IL2RA: variants seen among roughly 807,000 people sequenced by gnomAD.
The protein encoded by IL2RA is interleukin 2 receptor subunit alpha.
In IL2RA, 24 loss-of-function variants were observed where a neutral mutation model predicts 37.8. That is an observed-to-expected ratio of 0.63 (90% CI 0.46 to 0.89). The LOEUF (loss-of-function observed/expected upper bound fraction) is 0.89, where lower values mean the gene tolerates loss of function less well. IL2RA is among the 40% of genes least tolerant of loss of function. The probability of loss-of-function intolerance (pLI) is 0.00; values close to 1 mark genes in which losing one functional copy is unlikely to be tolerated. For missense variants in IL2RA, 319 were observed against 348.6 expected, an observed-to-expected ratio of 0.92 and a Z score of 0.68; for synonymous variants, 125 against 114.6, an observed-to-expected ratio of 1.09 and a Z score of -0.58.
chr10:6,030,176 T>C (rs1244526452), intron 1 of IL2RA, among the ~76,000 whole-genome samples: 4 of 152,108 alleles, frequency 2.6e-5, no homozygotes, highest in Non-Finnish European at 5.9e-5. Flanking sequence ...CTAACCTACA[T>C]TTAATTGAAT....
At chr10:6,017,606 T>TGCTCTGTC (rs1371473420) in intron 7 of IL2RA, among the ~76,000 whole-genome samples, 1 of 134,066 alleles carries the variant, frequency 7.5e-6, no homozygotes, top group Non-Finnish European at 1.6e-5. Context: ...GACAGAGTCT[T>TGCTCTGTC]GCTCTGTCAC....
chr10:6,051,213 AG>A (rs906793281), intron 1 of IL2RA, among the ~76,000 whole-genome samples: 4 of 152,204 alleles, frequency 2.6e-5, no homozygotes, highest in African/African-American at 9.6e-5. Context: ...GCTGGGTTGC[AG>A]GCTCTGCCTG....
At position 6,048,476 on chromosome 10, in the gene IL2RA, G is replaced by A. The variant is rs1412049104; in HGVS notation, c.64+13612C>T. Among the ~76,000 whole-genome samples the A allele has an allele frequency of 6.6e-6, 1 of 152,244 alleles. No homozygotes were observed. Among genetic ancestry groups the A allele is most frequent in the Non-Finnish European group, 1.5e-5 (1 of 68,052 alleles). On this transcript the variant is annotated intron_variant, in intron 1 of 7. Transcript: ENST00000379959. This position sits in a 1 kb window ranked among gnomAD's most constrained non-coding sequence, Gnocchi z 5.3. Reference sequence around the variant, plus strand: ...GTCCGAGGGAAGGGCCTTTGGCCATGCAGACTAGAAGCCCAGCAAGTCACA... The same window carrying A: ...GTCCGAGGGAAGGGCCTTTGGCCATACAGACTAGAAGCCCAGCAAGTCACA...
Position 6,026,198 on chromosome 10 carries a change from G to A in IL2RA, c.65-173C>T, listed in dbSNP as rs1282330080. 3.1e-5 allele frequency: 21 copies of A among 686,830 alleles called. No homozygotes were observed. In the South Asian group the frequency reaches 3.4e-4, roughly 11 times the overall value. The allele number at this position is 686,830 out of a possible 1,614,324, so 42.5% of individuals were successfully genotyped here. A position where few individuals can be genotyped will look rare whatever the true frequency, so the allele number is the denominator to read the frequency against. ...CTACCATTGTTCTTTAGAAAGCTTT[G>A]TATCAGAGCTGGCTCAAAAATTAAC... On this transcript the variant is annotated intron_variant, in intron 1 of 7. Transcript: ENST00000379959.
chr10:6,037,351 A>AG (rs138049422), intron 1 of IL2RA, among the ~76,000 whole-genome samples: 2,011 of 152,298 alleles, frequency 0.013, 25 homozygotes, highest in South Asian at 0.049. Context: ...GGGCTGATAA[A>AG]GATGTGGACC....
In IL2RA at chr10:6,057,534, G is replaced by A. The variant is rs1415545017; in HGVS notation, c.64+4554C>T. Among the ~76,000 whole-genome samples, 1 of 152,060 alleles carries A rather than the reference G, an allele frequency of 6.6e-6. No homozygotes were observed. The highest frequency in any genetic ancestry group is 2.4e-5 in the African/African-American group (1 of 41,402). ...TGGAAGGGAGTTTCAAGATCCCTGGGTGACCTCCTCATTTTACAGAGAGAA... is the reference window on the plus strand; with the variant it reads ...TGGAAGGGAGTTTCAAGATCCCTGGATGACCTCCTCATTTTACAGAGAGAA... On this transcript the variant is annotated intron_variant, in intron 1 of 7. Coordinates refer to ENST00000379959, the MANE Select transcript of IL2RA (RefSeq NM_000417.3). The surrounding 1 kb of genome is among the most constrained non-coding windows in gnomAD (Gnocchi z 4.8).
intron 1 of IL2RA, among the ~76,000 whole-genome samples, chr10:6,051,845 A>ATATAT (rs1224861012): frequency 2.8e-4 from 31 of 111,798 alleles, no homozygotes; most frequent in African/African-American, 3.6e-4. Context: ...ATATATATAG[A>ATATAT]ATTTTTTAAG....
In IL2RA at chr10:6,018,281, C is replaced by T. The variant is rs905263396; in HGVS notation, c.728-162G>A. Among the ~76,000 whole-genome samples, 4 of 152,034 alleles carry T rather than the reference C, an allele frequency of 2.6e-5. No individual in the cohort carries two copies. The highest frequency in any genetic ancestry group is 5.9e-5 in the Non-Finnish European group (4 of 67,986). ...AAGTAGGTCCCTCCCCATGGGATTT[C>T]CTAGGAGTCTTGAGGAACAGGGCAG... On this transcript the variant is annotated intron_variant, in intron 6 of 7. Transcript: ENST00000379959. This position sits in a 1 kb window ranked among gnomAD's most constrained non-coding sequence, Gnocchi z 5.1.
At position 6,021,424 on chromosome 10, in the gene IL2RA, G is replaced by T; in HGVS notation, c.583+54C>A. On this transcript the variant is annotated intron_variant, in intron 4 of 7. Transcript: ENST00000379959. The surrounding 1 kb of genome is among the most constrained non-coding windows in gnomAD (Gnocchi z 4.9). ...AGGAGTGGTCAGGGATTCCACTCTG[G>T]TCAGCCTGATGGAGCAAAGCAACAT... 1 of 1,463,576 alleles carries T rather than the reference G, an allele frequency of 6.8e-7. No individual in the cohort carries two copies. The highest frequency in any genetic ancestry group is 9.6e-7 in the Non-Finnish European group (1 of 1,044,538). The allele number at this position is 1,463,576 out of a possible 1,614,324, so 90.7% of individuals were successfully genotyped here.
chr10:6,021,576 C>T lies in IL2RA; in HGVS notation c.485G>A (p.Gly162Asp), dbSNP rs141246728. ...CVQGYRALHRGPAESVCKMTH... is the reference protein window; with the variant it reads ...CVQGYRALHRDPAESVCKMTH... ...CATTTTGCAGACGCTCTCAGCAGGA[C>T]CTCTGTGTAGAGCCCTGTATCCCTG... Residue 162 changes from glycine (G) to aspartate (D), a missense_variant, in exon 4 of 8, where the codon GGT becomes GAT. Coordinates refer to ENST00000379959, the MANE Select transcript of IL2RA (RefSeq NM_000417.3). This position sits in a 1 kb window ranked among gnomAD's most constrained non-coding sequence, Gnocchi z 4.9. 6.2e-7 allele frequency: 1 copy of T among 1,613,832 alleles called. No individual in the cohort carries two copies. The highest frequency in any genetic ancestry group is 1.3e-5 in the African/African-American group (1 of 74,840).
chr10:6,055,026 G>C (rs531714752), intron 1 of IL2RA, among the ~76,000 whole-genome samples: 1 of 152,296 alleles, frequency 6.6e-6, no homozygotes, highest in African/African-American at 2.4e-5. Flanking sequence ...CAAGTTCTGT[G>C]TGGGTAAAAG....
chr10:6,042,696 A>C (rs1467715016), intron 1 of IL2RA, among the ~76,000 whole-genome samples: 1 of 152,216 alleles, frequency 6.6e-6, no homozygotes, highest in East Asian at 1.9e-4. Flanking sequence ...CCAACAACCC[A>C]ATAAAAATAG....
rs1006106466 is a variant in IL2RA at position 6,051,284 on chromosome 10, G to A, written c.64+10804C>T. 3.3e-5 allele frequency among the ~76,000 whole-genome samples: 5 copies of A among 152,074 alleles called. No individual in the cohort carries two copies. The East Asian group carries it at 5.8e-4, about 18-fold the overall frequency. The stretch of plus-strand genomic sequence containing the variant: ...CAGCCAGCGAGATGTCACGCATGCA[G>A]CCGGGTGTCATCCCCAAAACTCCCG... On this transcript the variant is annotated intron_variant, in intron 1 of 7. Coordinates refer to ENST00000379959, the MANE Select transcript of IL2RA (RefSeq NM_000417.3).
chr10:6,051,817 CTATATATATATATATATA>C (rs61008683), intron 1 of IL2RA, among the ~76,000 whole-genome samples: 2 of 33,664 alleles, frequency 5.9e-5, no homozygotes, highest in Non-Finnish European at 1.4e-4. Flanking sequence ...TCATGCCCAG[CTATATATATATATATATA>C]TATATATAGA....
chr10:6,044,328 C>T lies in IL2RA; in HGVS notation c.64+17760G>A, dbSNP rs1029245703. Among the ~76,000 whole-genome samples the T allele has an allele frequency of 2.0e-4, 30 of 152,226 alleles. 1 individual carries two copies. The highest frequency in any genetic ancestry group is 3.2e-4 in the Non-Finnish European group (22 of 68,040). The stretch of plus-strand genomic sequence containing the variant: ...TATAGTTCCGGCTGTGCTACAGCTC[C>T]GTGACTGCTTCTGTAGAGCAGGGCG... On this transcript the variant is annotated intron_variant, in intron 1 of 7. Transcript: ENST00000379959. The surrounding 1 kb of genome is among the most constrained non-coding windows in gnomAD (Gnocchi z 4.5).
intron 1 of IL2RA, among the ~76,000 whole-genome samples, chr10:6,030,953 C>T (rs1839565646): frequency 6.6e-6 from 1 of 151,804 alleles, no homozygotes; most frequent in Non-Finnish European, 1.5e-5. Context: ...GCTGAATAGC[C>T]TAGAGAAACC....
In IL2RA at chr10:6,012,546, G is replaced by A; in HGVS notation, c.*326C>T. On this transcript the variant is annotated 3_prime_UTR_variant, in exon 8 of 8. Transcript: ENST00000379959. This position sits in a 1 kb window ranked among gnomAD's most constrained non-coding sequence, Gnocchi z 4.8. Reference sequence around the variant, plus strand: ...TTCTTTATACTACATATAGGGTGGAGAGAGTTCCATACCATTCATGCTTTA... The same window carrying A: ...TTCTTTATACTACATATAGGGTGGAAAGAGTTCCATACCATTCATGCTTTA... The A allele has an allele frequency of 2.2e-6, 1 of 456,484 alleles. No individual in the cohort carries two copies. The highest frequency in any genetic ancestry group is 2.4e-5 in the South Asian group (1 of 42,384). 28.3% of individuals were successfully genotyped at this position (456,484 alleles called of 1,614,324 possible).
Position 6,033,045 on chromosome 10 carries a change from GTGGCAGTGTAAGTAA to G in IL2RA, c.65-7035_65-7021del, listed in dbSNP as rs745699156. Among the ~76,000 whole-genome samples, 4 of 152,166 alleles carry G rather than the reference GTGGCAGTGTAAGTAA, an allele frequency of 2.6e-5. No individual in the cohort carries two copies. The highest frequency in any genetic ancestry group is 4.4e-5 in the Non-Finnish European group (3 of 68,032). On this transcript the variant is annotated intron_variant, in intron 1 of 7. Transcript: ENST00000379959. The surrounding 1 kb of genome is among the most constrained non-coding windows in gnomAD (Gnocchi z 4.3). ...CTACCAGAACTCTCTTATGTTACTG[GTGGCAGTGTAAGTAA>G]TGTAATTACTTTGGAACACTATCTG...
rs1589291471 is a variant in IL2RA at position 6,018,556 on chromosome 10, A to G, written c.728-437T>C. Among the ~76,000 whole-genome samples the G allele has an allele frequency of 6.6e-6, 1 of 152,198 alleles. No homozygotes were observed. Among genetic ancestry groups the G allele is most frequent in the East Asian group, 1.9e-4 (1 of 5,194 alleles). On this transcript the variant is annotated intron_variant, in intron 6 of 7. Transcript: ENST00000379959. This position sits in a 1 kb window ranked among gnomAD's most constrained non-coding sequence, Gnocchi z 5.1. ...TTACTTTCTAGGCAGATGCAGACTC[A>G]GAGTCTGTTTTTCCCTCCTACCAGG...
Sources: gnomAD v4.1 joint callset for allele counts (sites outside exome capture counted in the v4.1 genomes callset) on GRCh38, gnomAD v4.1.1 for gene constraint, Gnocchi (gnomAD v3.1) non-coding constraint, MANE v1.5 for transcripts, NCBI Gene and HGNC (gene_info 2026-07-23, HGNC 2026-07-21) for gene names.